Variants in EPHA3 observed in about 807,000 individuals in gnomAD.
EPHA3 encodes EPH receptor A3.
Under a neutral mutation model 107.1 loss-of-function variants are expected in EPHA3, and 42 were observed. The ratio of observed to expected loss-of-function variants is 0.39; its 90% CI spans 0.31 to 0.51. The LOEUF (loss-of-function observed/expected upper bound fraction) is 0.51. EPHA3 is among the 20% of genes least tolerant of loss of function. EPHA3 has a pLI of 0.78. For synonymous variants in EPHA3, 461 were observed against 424.8 expected (o/e 1.09, Z -1.05); for missense variants, 1,183 against 1,211.2 (o/e 0.98, Z 0.35).
At chr3:89,129,055 C>T (rs1182010226) in intron 2 of EPHA3, among the ~76,000 whole-genome samples, 1 of 152,144 alleles carries the variant, frequency 6.6e-6, no homozygotes, top group African/African-American at 2.4e-5. Context: ...CTACCAGACC[C>T]TGCTCCAGAC....
intron 3 of EPHA3, among the ~76,000 whole-genome samples, chr3:89,292,995 C>T (rs1400632801): frequency 6.6e-6 from 1 of 152,152 alleles, no homozygotes; most frequent in Admixed American, 6.6e-5. Context: ...TTTATATCTT[C>T]ACCACCCCTT....
At chr3:89,253,668 TA>T (rs1373990453) in intron 3 of EPHA3, among the ~76,000 whole-genome samples, 1 of 152,198 alleles carries the variant, frequency 6.6e-6, no homozygotes, top group Non-Finnish European at 1.5e-5. Flanking sequence ...TAAATTTTAT[TA>T]ACTGTCATCT....
chr3:89,286,369 A>G (rs1706083816), intron 3 of EPHA3, among the ~76,000 whole-genome samples: 1 of 151,844 alleles, frequency 6.6e-6, no homozygotes, highest in African/African-American at 2.4e-5. Context: ...TAGCCTTTGA[A>G]CTGAGGAGGT....
intron 6 of EPHA3, 137 bp downstream of exon 6, chr3:89,396,098 T>C (rs1429965198): frequency 2.6e-6 from 3 of 1,155,548 alleles, no homozygotes; most frequent in Admixed American, 2.6e-5. Context: ...TGTGACCCCT[T>C]TGATTTATTG....
intron 2 of EPHA3, among the ~76,000 whole-genome samples, chr3:89,179,405 A>C (rs527341524): frequency 6.6e-6 from 1 of 152,072 alleles, no homozygotes; most frequent in African/African-American, 2.4e-5. Context: ...ATTTGCCTTT[A>C]TTTTTCATAT....
intron 1 of EPHA3, among the ~76,000 whole-genome samples, chr3:89,122,264 A>G (rs891375781): frequency 1.3e-5 from 2 of 152,302 alleles, no homozygotes; most frequent in African/African-American, 4.8e-5. Context: ...ATTACTCTTT[A>G]GTGAAAACAA....
chr3:89,259,095 G>A (rs1237392282), intron 3 of EPHA3, among the ~76,000 whole-genome samples: 1 of 152,176 alleles, frequency 6.6e-6, no homozygotes, highest in Non-Finnish European at 1.5e-5. Flanking sequence ...ATGTGGGGAT[G>A]CTGTACAGTT....
intron 3 of EPHA3, among the ~76,000 whole-genome samples, chr3:89,246,205 T>G (rs58341586): frequency 0.033 from 4,965 of 152,286 alleles, 282 homozygotes; most frequent in African/African-American, 0.11. Context: ...TTGCAGCATG[T>G]GTGATAAATA....
At chr3:89,259,037 A>G (rs1705353397) in intron 3 of EPHA3, among the ~76,000 whole-genome samples, 1 of 152,198 alleles carries the variant, frequency 6.6e-6, no homozygotes, top group Non-Finnish European at 1.5e-5. Flanking sequence ...TGGTCTTAAT[A>G]TATATGGTTA....
At chr3:89,203,726 G>C (rs1033763625) in intron 2 of EPHA3, among the ~76,000 whole-genome samples, 1 of 152,000 alleles carries the variant, frequency 6.6e-6, no homozygotes, top group Non-Finnish European at 1.5e-5. Flanking sequence ...GCAGTGAGCC[G>C]AGATCGCGCC....
intron 3 of EPHA3, among the ~76,000 whole-genome samples, chr3:89,290,121 T>G (rs978149920): frequency 3.9e-5 from 6 of 152,170 alleles, no homozygotes; most frequent in African/African-American, 1.4e-4. Context: ...GTTGTGGTTC[T>G]AAGAGTTCCT....
intron 5 of EPHA3, among the ~76,000 whole-genome samples, chr3:89,395,181 T>C (rs192752829): frequency 6.6e-5 from 10 of 152,168 alleles, no homozygotes; most frequent in African/African-American, 2.2e-4. Context: ...GTAACACATA[T>C]AGCAGTCATT....
At chr3:89,460,528 T>A (rs1463084440) in intron 15 of EPHA3, among the ~76,000 whole-genome samples, 6 of 151,040 alleles carry the variant, frequency 4.0e-5, no homozygotes, top group African/African-American at 1.5e-4. Flanking sequence ...GGAGTAAAAA[T>A]AAACAATACT....
intron 6 of EPHA3, among the ~76,000 whole-genome samples, chr3:89,398,842 A>G (rs1708898852): frequency 6.6e-6 from 1 of 152,172 alleles, no homozygotes; most frequent in African/African-American, 2.4e-5. Context: ...AGAAATGCCC[A>G]TGTTGGGACA....
chr3:89,169,550 T>C (rs547710463), intron 2 of EPHA3, among the ~76,000 whole-genome samples: 13 of 152,360 alleles, frequency 8.5e-5, no homozygotes, highest in African/African-American at 2.6e-4. Flanking sequence ...ATATAAACTA[T>C]TATTTTATGT....
At position 89,320,298 on chromosome 3, in the gene EPHA3, G is replaced by A. The variant is rs529511376; in HGVS notation, c.815-20618G>A. On this transcript the variant is annotated intron_variant, in intron 3 of 16. Transcript: ENST00000336596. ...TCCTCTGGTGCAGCAGCATTTCAGTGGCCTCCAGCTGGGTCAGAATAGTGT... is the reference window on the plus strand; with the variant it reads ...TCCTCTGGTGCAGCAGCATTTCAGTAGCCTCCAGCTGGGTCAGAATAGTGT... 2.6e-5 allele frequency among the ~76,000 whole-genome samples: 4 copies of A among 152,070 alleles called. No homozygotes were observed. The East Asian group carries it at 7.8e-4, about 30-fold the overall frequency.
chr3:89,147,190 G>C (rs1270189826), intron 2 of EPHA3, among the ~76,000 whole-genome samples: 1 of 151,714 alleles, frequency 6.6e-6, no homozygotes, highest in African/African-American at 2.4e-5. Context: ...TGTCGGGGGT[G>C]GGGGTAAGGG....
chr3:89,451,903 GTGTT>G (rs1219625970), intron 15 of EPHA3, among the ~76,000 whole-genome samples: 1 of 150,732 alleles, frequency 6.6e-6, no homozygotes, highest in African/African-American at 2.5e-5. Context: ...GTGTGTGTGT[GTGTT>G]TGTGTGTGTG....
chr3:89,119,135 T>C (rs1488203934), intron 1 of EPHA3, among the ~76,000 whole-genome samples: 8 of 152,108 alleles, frequency 5.3e-5, no homozygotes, highest in Admixed American at 4.6e-4. Flanking sequence ...CTTTTAAGCA[T>C]GTCCAAAATA....
Sources: gnomAD v4.1 joint callset for allele counts (sites outside exome capture counted in the v4.1 genomes callset) on GRCh38, gnomAD v4.1.1 for gene constraint, MANE v1.5 for transcripts, NCBI Gene and HGNC (gene_info 2026-07-23, HGNC 2026-07-21) for gene names.